Variants in SLC44A1 observed in about 807,000 individuals in gnomAD.
The protein encoded by SLC44A1 is choline transporter-like protein 1.
A neutral mutation model predicts 79.3 loss-of-function variants in SLC44A1; 26 were observed. The ratio of observed to expected loss-of-function variants is 0.33; its 90% CI spans 0.24 to 0.46. The LOEUF is 0.46. Among genes scored for constraint, SLC44A1 ranks in the 20% least tolerant of loss-of-function variants. The pLI is 1.00. For missense variants in SLC44A1, 688 were observed against 798.1 expected (o/e 0.86, Z 1.66); for synonymous variants, 263 against 286.2 (o/e 0.92, Z 0.82).
chr9:105,255,233 T>C (rs1051928251), intron 1 of SLC44A1, among the ~76,000 whole-genome samples: 1 of 152,030 alleles, frequency 6.6e-6, no homozygotes, highest in Non-Finnish European at 1.5e-5. Flanking sequence ...TAAACCAGTG[T>C]GTAAATATGT....
rs200118525 is a variant in SLC44A1 at position 105,368,776 on chromosome 9, GCCTGTAAT to G, written c.1494+2350_1494+2357del. 9.9e-3 allele frequency among the ~76,000 whole-genome samples: 1,503 copies of G among 152,270 alleles called. 17 individuals carry two copies. The highest frequency in any genetic ancestry group is 0.035 in the African/African-American group (1,442 of 41,542). Reference sequence around the variant, plus strand: ...ATTGAGGTCAGGCACGGTGGCTCACGCCTGTAATCCCAACACTTTTGGAGGCCGAGGCA... The same window carrying G: ...ATTGAGGTCAGGCACGGTGGCTCACGCCCAACACTTTTGGAGGCCGAGGCA... On this transcript the variant is annotated intron_variant, in intron 12 of 15. Transcript: ENST00000374720.
intron 15 of SLC44A1, among the ~76,000 whole-genome samples, chr9:105,417,839 CAAAAAAAAAAA>C (rs146589405): frequency 5.2e-5 from 3 of 57,910 alleles, no homozygotes; most frequent in African/African-American, 1.3e-4. Context: ...CTCATCCCTA[CAAAAAAAAAAA>C]AAAAAAAAAC....
chr9:105,325,648 G>A (rs1024435411), intron 3 of SLC44A1, among the ~76,000 whole-genome samples: 1 of 152,144 alleles, frequency 6.6e-6, no homozygotes, highest in African/African-American at 2.4e-5. Context: ...ATTAACAAGG[G>A]AGGAACTCTC....
rs375251794 is a variant in SLC44A1, at chr9:105,361,345, T to C, written c.900+15T>C. The C allele has an allele frequency of 1.9e-6, 3 of 1,568,528 alleles. No homozygotes were observed. Among genetic ancestry groups the C allele is most frequent in the Non-Finnish European group, 2.6e-6 (3 of 1,160,736 alleles). On this transcript the variant is annotated intron_variant, in intron 8 of 15. Coordinates refer to ENST00000374720, the MANE Select transcript of SLC44A1 (RefSeq NM_080546.5). The stretch of plus-strand genomic sequence containing the variant: ...CAGTGTTCACAGTGAGTTTAGGCTT[T>C]GGCGTGTCTTTCGGTTTTGTGTTTT...
intron 5 of SLC44A1, among the ~76,000 whole-genome samples, chr9:105,351,638 GAAAGAAAGAAAGAAAGAAAGAAA>G (rs1564453056): frequency 7.1e-5 from 10 of 141,668 alleles, no homozygotes; most frequent in Non-Finnish European, 7.6e-5. Flanking sequence ...GAAAGAGAAA[GAAAGAAAGAAAGAAAGAAAGAAA>G]GAAAGAAAGA....
At chr9:105,298,513 C>T (rs1830789425) in intron 1 of SLC44A1, among the ~76,000 whole-genome samples, 1 of 152,048 alleles carries the variant, frequency 6.6e-6, no homozygotes, top group Non-Finnish European at 1.5e-5. Flanking sequence ...CCACGCCCAG[C>T]TAATGTTTGT....
At chr9:105,411,975 G>C (rs1308454624) in intron 15 of SLC44A1, among the ~76,000 whole-genome samples, 1 of 152,100 alleles carries the variant, frequency 6.6e-6, no homozygotes, top group East Asian at 1.9e-4. Context: ...CTATGTAAAA[G>C]TCCTATTTCT....
At chr9:105,357,644 A>G (rs1330066172) in intron 6 of SLC44A1, among the ~76,000 whole-genome samples, 2 of 152,164 alleles carry the variant, frequency 1.3e-5, no homozygotes, top group Admixed American at 1.3e-4. Flanking sequence ...ATTATAGCAC[A>G]TCGGATTTAG....
chr9:105,415,212 C>G (rs1829151723), intron 15 of SLC44A1, among the ~76,000 whole-genome samples: 1 of 152,150 alleles, frequency 6.6e-6, no homozygotes, highest in Non-Finnish European at 1.5e-5. Flanking sequence ...GAACAGCCCA[C>G]AGTTCAAAGA....
At chr9:105,349,780 T>A (rs1255750608) in intron 5 of SLC44A1, among the ~76,000 whole-genome samples, 2 of 152,148 alleles carry the variant, frequency 1.3e-5, no homozygotes. Flanking sequence ...CTCTCAAGAT[T>A]AAAACATATT....
chr9:105,383,348 A>G lies in SLC44A1; in HGVS notation c.1858A>G (p.Lys620Glu). ...GSPGREFYMDKVLMEFVENSR... is the reference protein window; with the variant it reads ...GSPGREFYMDEVLMEFVENSR... ...CCCTGGCAGAGAATTCTATATGGAT[A>G]AAGTGCTGATGGTAAGTACTTCAAA... Residue 620 changes from lysine (K) to glutamate (E), a missense_variant, in exon 14 of 16, where the codon AAA (lysine) becomes GAA (glutamate). Lys to Glu is a moderately conservative substitution (Grantham distance 56). Coordinates refer to ENST00000374720, the MANE Select transcript of SLC44A1 (RefSeq NM_080546.5). 1 of 1,590,182 alleles carries G rather than the reference A, an allele frequency of 6.3e-7. No homozygotes were observed. Among genetic ancestry groups the G allele is most frequent in the East Asian group, 2.2e-5 (1 of 44,796 alleles).
At chr9:105,270,678 G>GTTT (rs1830056616) in intron 1 of SLC44A1, among the ~76,000 whole-genome samples, 1 of 152,080 alleles carries the variant, frequency 6.6e-6, no homozygotes, top group Non-Finnish European at 1.5e-5. Context: ...GTCATTTTCT[G>GTTT]TTTCTTTACT....
chr9:105,414,847 T>C (rs1360997818), intron 15 of SLC44A1, among the ~76,000 whole-genome samples: 1 of 152,170 alleles, frequency 6.6e-6, no homozygotes, highest in Non-Finnish European at 1.5e-5. Context: ...AAGATGCATT[T>C]TCACCACTTT....
chr9:105,346,454 T>C (rs553484856), intron 4 of SLC44A1, among the ~76,000 whole-genome samples: 56 of 152,274 alleles, frequency 3.7e-4, no homozygotes, highest in African/African-American at 1.3e-3. Flanking sequence ...TAGGGCCTTT[T>C]GTTTTGTGCA....
intron 11 of SLC44A1, 132 bp downstream of exon 11, chr9:105,365,771 C>A: frequency 2.3e-6 from 2 of 885,554 alleles, no homozygotes; most frequent in Non-Finnish European, 3.5e-6. Context: ...CAAAATCCAG[C>A]CCTTCTCCCT....
Position 105,335,608 on chromosome 9 carries a change from G to A in SLC44A1, c.315G>A (p.Arg105=). 1 of 1,613,398 alleles carries A rather than the reference G, an allele frequency of 6.2e-7. No individual in the cohort carries two copies. The change falls in exon 4 of 16, where the codon CGG becomes CGA. Residue 105 remains arginine, a synonymous_variant. Transcript: ENST00000374720. ...LDPCNLDLIN[R]KIKSVALCVA... The stretch of plus-strand genomic sequence containing the variant: ...CATGCAACCTGGACTTGATAAACCG[G>A]AAGATTAAGTCTGTAGCACTGTGTG...
At chr9:105,277,395 T>C (rs142632924) in intron 1 of SLC44A1, among the ~76,000 whole-genome samples, 370 of 152,314 alleles carry the variant, frequency 2.4e-3, no homozygotes, top group Non-Finnish European at 3.8e-3. Flanking sequence ...AGTGTCTAAA[T>C]CAAGTGTCTT....
chr9:105,246,618 C>T (rs1317679992), intron 1 of SLC44A1, among the ~76,000 whole-genome samples: 1 of 152,040 alleles, frequency 6.6e-6, no homozygotes, highest in Non-Finnish European at 1.5e-5. Flanking sequence ...GTTGGGTGCT[C>T]TTTAATATTT....
At chr9:105,293,848 CAGA>C (rs1475741274) in intron 1 of SLC44A1, among the ~76,000 whole-genome samples, 2 of 152,020 alleles carry the variant, frequency 1.3e-5, no homozygotes, top group Non-Finnish European at 2.9e-5. Flanking sequence ...TCAAATTCAC[CAGA>C]AGGCCTTGGG....
Sources: gnomAD v4.1 joint callset for allele counts (sites outside exome capture counted in the v4.1 genomes callset) on GRCh38, gnomAD v4.1.1 for gene constraint, MANE v1.5 for transcripts, NCBI Gene and HGNC (gene_info 2026-07-23, HGNC 2026-07-21) for gene names.